The following SGCG variants were observed in gnomAD, a reference collection of about 807,000 sequenced individuals.
The protein encoded by SGCG is sarcoglycan gamma.
In SGCG, 26 loss-of-function variants were observed where a neutral mutation model predicts 29.3. The observed-to-expected ratio is 0.89, with a 90% confidence interval of 0.65 to 1.23. The LOEUF (loss-of-function observed/expected upper bound fraction) is 1.23. Ranked by LOEUF, SGCG falls within the 50% of genes most tolerant of loss-of-function variation. The pLI, the probability that SGCG is intolerant of heterozygous loss-of-function variation, is 0.00. For missense variants in SGCG, 353 were observed against 356.0 expected, an observed-to-expected ratio of 0.99 and a Z score of 0.07; for synonymous variants, 145 against 129.7, an observed-to-expected ratio of 1.12 and a Z score of -0.80.
At chr13:23,261,781 G>A (rs1418066341) in intron 4 of SGCG, among the ~76,000 whole-genome samples, 1 of 151,986 alleles carries the variant, frequency 6.6e-6, no homozygotes, top group Non-Finnish European at 1.5e-5. Flanking sequence ...ACCTATAAAG[G>A]AAAACCTATC....
At chr13:23,163,989 A>G in the SGCG span, among the ~76,000 whole-genome samples, 1 of 152,176 alleles carries the variant, frequency 6.6e-6, no homozygotes, top group Non-Finnish European at 1.5e-5. Flanking sequence ...CAGAAATTGT[A>G]GTTGCAAATG....
chr13:23,316,040 G>A (rs1882796218), intron 6 of SGCG, among the ~76,000 whole-genome samples: 1 of 152,194 alleles, frequency 6.6e-6, no homozygotes, highest in Non-Finnish European at 1.5e-5. Context: ...AGGGATGGAG[G>A]TTACGCATTG....
At chr13:23,219,751 ATTT>A (rs36072865) in intron 2 of SGCG, among the ~76,000 whole-genome samples, 5 of 143,466 alleles carry the variant, frequency 3.5e-5, no homozygotes, top group Admixed American at 6.9e-5. Context: ...CACAATTATT[ATTT>A]TTTTTTTTTG....
chr13:23,260,449 G>GAATACAGCACACTGTATTCAGTAC (rs1880381450), intron 4 of SGCG, among the ~76,000 whole-genome samples: 4 of 151,916 alleles, frequency 2.6e-5, no homozygotes, highest in African/African-American at 9.7e-5. Flanking sequence ...CTCTGCACAT[G>GAATACAGCACACTGTATTCAGTAC]AGATGTGTCT....
chr13:23,299,431 TATATATA>T (rs1882042335), intron 6 of SGCG, among the ~76,000 whole-genome samples: 3 of 15,810 alleles, frequency 1.9e-4, no homozygotes, highest in Non-Finnish European at 3.5e-4. Flanking sequence ...TATATATATA[TATATATA>T]TATATATATA....
At chr13:23,222,838 G>C (rs1878723647) in intron 2 of SGCG, among the ~76,000 whole-genome samples, 2 of 151,538 alleles carry the variant, frequency 1.3e-5, no homozygotes. Flanking sequence ...TAAATAAATA[G>C]AAAGAAAAGC....
At chr13:23,201,710 GGAA>G (rs1877775245) in intron 1 of SGCG, among the ~76,000 whole-genome samples, 1 of 152,136 alleles carries the variant, frequency 6.6e-6, no homozygotes, top group African/African-American at 2.4e-5. Context: ...AGCAACAATA[GGAA>G]ACTATATATA....
At chr13:23,165,135 A>G in the SGCG span, among the ~76,000 whole-genome samples, 1 of 152,224 alleles carries the variant, frequency 6.6e-6, no homozygotes, top group East Asian at 1.9e-4. Flanking sequence ...GAAACAGAAA[A>G]TAGAAAAATT....
intron 6 of SGCG, among the ~76,000 whole-genome samples, chr13:23,300,255 T>C (rs1882101382): frequency 6.6e-6 from 1 of 152,216 alleles, no homozygotes; most frequent in African/African-American, 2.4e-5. Context: ...TAAGTGTTTA[T>C]AAATACTAAG....
At chr13:23,263,120 A>T (rs1880507764) in intron 4 of SGCG, among the ~76,000 whole-genome samples, 1 of 151,824 alleles carries the variant, frequency 6.6e-6, no homozygotes, top group African/African-American at 2.4e-5. Context: ...ACCAAACCCA[A>T]AGCTACCATA....
chr13:23,275,136 T>C (rs117007959), intron 4 of SGCG, among the ~76,000 whole-genome samples: 8,948 of 147,498 alleles, frequency 0.061, 500 homozygotes, highest in Middle Eastern at 0.093. Context: ...TATATATATA[T>C]ATATATAGAA....
chr13:23,277,842 A>G lies in SGCG; in HGVS notation c.386-1517A>G, dbSNP rs147309932. ...GCCTCCCGAGTAGTTGGGACTACAGATGCCTGCCAGCACACCCAGCTAATT... is the reference window on the plus strand; with the variant it reads ...GCCTCCCGAGTAGTTGGGACTACAGGTGCCTGCCAGCACACCCAGCTAATT... On this transcript the variant is annotated intron_variant, in intron 4 of 7. Transcript: ENST00000218867. Among the ~76,000 whole-genome samples, 1,269 of 151,872 alleles carry G rather than the reference A, an allele frequency of 8.4e-3. 13 individuals are homozygous for G. The highest frequency in any genetic ancestry group is 0.013 in the Non-Finnish European group (859 of 67,944).
At chr13:23,228,501 A>G (rs937383102) in intron 2 of SGCG, among the ~76,000 whole-genome samples, 1 of 152,170 alleles carries the variant, frequency 6.6e-6, no homozygotes, top group African/African-American at 2.4e-5. Flanking sequence ...GGTTTGTTAT[A>G]TAGGTAAACT....
chr13:23,285,932 G>C (rs1881481226), intron 5 of SGCG, among the ~76,000 whole-genome samples: 1 of 152,148 alleles, frequency 6.6e-6, no homozygotes, highest in Admixed American at 6.5e-5. Flanking sequence ...CCCTCCGTGG[G>C]CTGCACCCAC....
intron 4 of SGCG, among the ~76,000 whole-genome samples, chr13:23,259,890 T>G (rs746509108): frequency 6.6e-6 from 1 of 152,236 alleles, no homozygotes; most frequent in African/African-American, 2.4e-5. Context: ...CTAATTTGAT[T>G]GCACTGTGGT....
chr13:23,308,071 G>A (rs914516348), intron 6 of SGCG, among the ~76,000 whole-genome samples: 1 of 152,180 alleles, frequency 6.6e-6, no homozygotes, highest in Non-Finnish European at 1.5e-5. Flanking sequence ...TGCTTCACTG[G>A]TTAATCATGA....
At chr13:23,179,827 A>T (rs1876671915), upstream of SGCG, among the ~76,000 whole-genome samples, 1 of 152,222 alleles carries the variant, frequency 6.6e-6, no homozygotes, top group South Asian at 2.1e-4. Context: ...TGAGAAGAAA[A>T]TAAAATGAGA....
intron 4 of SGCG, among the ~76,000 whole-genome samples, chr13:23,273,311 G>A (rs755272049): frequency 5.9e-5 from 9 of 151,708 alleles, no homozygotes; most frequent in East Asian, 1.9e-4. Context: ...CAGCCTCCCA[G>A]ATAGCTGGGA....
At chr13:23,174,904 T>C in the SGCG span, among the ~76,000 whole-genome samples, 15 of 144,766 alleles carry the variant, frequency 1.0e-4, 1 homozygote, top group South Asian at 3.0e-3. Flanking sequence ...GCTTTGACCA[T>C]GTAAAAGTGC....
Sources: gnomAD v4.1 joint callset for allele counts (sites outside exome capture counted in the v4.1 genomes callset) on GRCh38, gnomAD v4.1.1 for gene constraint, MANE v1.5 for transcripts, NCBI Gene and HGNC (gene_info 2026-07-23, HGNC 2026-07-21) for gene names.